Variants in ANKRD12 observed in about 807,000 individuals in gnomAD.
The protein encoded by ANKRD12 is ankyrin repeat domain-containing protein 12.
ANKRD12 carries 85 observed loss-of-function variants against 183.4 expected under a neutral mutation model. That is an observed-to-expected ratio of 0.46 (90% CI 0.39 to 0.56). ANKRD12 has a LOEUF of 0.56. Among genes scored for constraint, ANKRD12 ranks in the 20% least tolerant of loss-of-function variants. ANKRD12 has a pLI of 0.00. For synonymous variants in ANKRD12, 914 were observed against 800.2 expected (o/e 1.14, Z -2.40); for missense variants, 2,405 against 2,357.1 (o/e 1.02, Z -0.42).
chr18:9,231,487 A>G (rs891617823), intron 8 of ANKRD12, among the ~76,000 whole-genome samples: 3 of 152,064 alleles, frequency 2.0e-5, no homozygotes, highest in Non-Finnish European at 4.4e-5. Context: ...CTTTATCATT[A>G]TATGATTACC....
At chr18:9,242,015 A>C (rs1048558384) in intron 8 of ANKRD12, among the ~76,000 whole-genome samples, 8 of 152,070 alleles carry the variant, frequency 5.3e-5, no homozygotes, top group African/African-American at 1.4e-4. Flanking sequence ...TCTATAAGTC[A>C]AAATATCTTT....
At chr18:9,166,874 C>T in intron 1 of ANKRD12, among the ~76,000 whole-genome samples, 1 of 151,992 alleles carries the variant, frequency 6.6e-6, no homozygotes, top group Non-Finnish European at 1.5e-5. Flanking sequence ...GTCTTTAATC[C>T]ATCTTGAATT....
intron 1 of ANKRD12, among the ~76,000 whole-genome samples, chr18:9,140,088 C>T (rs888915435): frequency 6.6e-6 from 1 of 152,162 alleles, no homozygotes; most frequent in Non-Finnish European, 1.5e-5. Flanking sequence ...AGAACCTTGC[C>T]TTCTATCAGC....
rs148110257 is a variant in ANKRD12 at position 9,186,690 on chromosome 18, G to T, written c.87+4171G>T. Among the ~76,000 whole-genome samples, 964 of 151,344 alleles carry T rather than the reference G, an allele frequency of 6.4e-3. 7 individuals are homozygous for T. The highest frequency in any genetic ancestry group is 0.017 in the Middle Eastern group (5 of 294). ...AGACAAAGTGAAGAAGTTGGGGTAG[G>T]GGGTAGAAGGCATGACCATCATTCA... On this transcript the variant is annotated intron_variant, in intron 2 of 12. Coordinates refer to ENST00000262126, the MANE Select transcript of ANKRD12 (RefSeq NM_015208.5).
chr18:9,282,597 A>G lies in ANKRD12; in HGVS notation c.*1471A>G, dbSNP rs1017104788. ...AAATTAGGTTAGCGTACAATTTATCATAAATATATGAGGTAAAATTTGCAA... is the reference window on the plus strand; with the variant it reads ...AAATTAGGTTAGCGTACAATTTATCGTAAATATATGAGGTAAAATTTGCAA... On this transcript the variant is annotated 3_prime_UTR_variant, in exon 13 of 13. Transcript: ENST00000262126. The G allele has an allele frequency of 1.3e-5, 2 of 152,580 alleles. No individual in the cohort carries two copies. Among genetic ancestry groups the G allele is most frequent in the African/African-American group, 4.8e-5 (2 of 41,466 alleles). 9.5% of individuals were successfully genotyped at this position (152,580 alleles called of 1,614,324 possible). A position where few individuals can be genotyped will look rare whatever the true frequency, so the allele number is the denominator to read the frequency against.
At chr18:9,264,273 G>A (rs1234435067) in intron 10 of ANKRD12, among the ~76,000 whole-genome samples, 1 of 152,188 alleles carries the variant, frequency 6.6e-6, no homozygotes, top group Non-Finnish European at 1.5e-5. Context: ...GTCCACGTAG[G>A]TCGGCCTTAG....
intron 8 of ANKRD12, among the ~76,000 whole-genome samples, chr18:9,223,085 T>G (rs1023829743): frequency 3.3e-5 from 5 of 152,054 alleles, no homozygotes; most frequent in African/African-American, 1.2e-4. Flanking sequence ...AATACAAAAT[T>G]AAAACCAACA....
rs905014807 is a variant in ANKRD12 at position 9,281,721 on chromosome 18, G to A, written c.*595G>A. ...ATAAAGGGATTGGTAGTCAAAACAT[G>A]TACAAAGAAATACCTGTAAAACTGT... is the stretch of plus-strand genomic sequence containing the variant. On this transcript the variant is annotated 3_prime_UTR_variant, in exon 13 of 13. Transcript: ENST00000262126. 6.6e-6 allele frequency: 1 copy of A among 152,612 alleles called. No homozygotes were observed. The highest frequency in any genetic ancestry group is 2.4e-5 in the African/African-American group (1 of 41,426). The allele number at this position is 152,612 out of a possible 1,614,324, so 9.5% of individuals were successfully genotyped here. A position where few individuals can be genotyped will look rare whatever the true frequency, so the allele number is the denominator to read the frequency against.
intron 1 of ANKRD12, among the ~76,000 whole-genome samples, chr18:9,170,085 G>A (rs993213838): frequency 6.6e-6 from 1 of 152,254 alleles, no homozygotes; most frequent in Non-Finnish European, 1.5e-5. Context: ...GAGATCAGCT[G>A]TTAGTCTGAT....
chr18:9,279,889 A>G (rs1477673368), intron 12 of ANKRD12, among the ~76,000 whole-genome samples: 2 of 152,200 alleles, frequency 1.3e-5, no homozygotes, highest in African/African-American at 4.8e-5. Context: ...CTTACTATCC[A>G]ATGTACCTGT....
chr18:9,178,423 A>T (rs1394265588), intron 1 of ANKRD12, among the ~76,000 whole-genome samples: 8 of 152,102 alleles, frequency 5.3e-5, no homozygotes, highest in Admixed American at 3.9e-4. Flanking sequence ...AATTACATTG[A>T]CAGATTTGTT....
intron 1 of ANKRD12, among the ~76,000 whole-genome samples, chr18:9,163,667 A>G (rs564591525): frequency 2.0e-5 from 3 of 152,308 alleles, no homozygotes; most frequent in East Asian, 3.9e-4. Context: ...GTCCATGAGC[A>G]TGGAATGTTT....
intron 8 of ANKRD12, among the ~76,000 whole-genome samples, chr18:9,224,829 G>A (rs1598612555): frequency 6.6e-6 from 1 of 152,158 alleles, no homozygotes; most frequent in Admixed American, 6.5e-5. Context: ...TGTATCTTGT[G>A]TAGCCATTGT....
chr18:9,145,183 T>C (rs1339507197), intron 1 of ANKRD12, among the ~76,000 whole-genome samples: 2 of 152,198 alleles, frequency 1.3e-5, no homozygotes, highest in East Asian at 3.8e-4. Context: ...AGTGCAGTGG[T>C]GTCATCCTAG....
chr18:9,182,674 G>A (rs985704069), intron 2 of ANKRD12, 155 bp downstream of exon 2: 1 of 439,828 alleles, frequency 2.3e-6, no homozygotes. Flanking sequence ...GGATTCCTGG[G>A]GAAGTGATTG....
At chr18:9,157,582 T>TGGGTGG (rs1568231387) in intron 1 of ANKRD12, among the ~76,000 whole-genome samples, 1 of 121,438 alleles carries the variant, frequency 8.2e-6, no homozygotes, top group African/African-American at 3.6e-5. Flanking sequence ...TGTGTGTGTG[T>TGGGTGG]GTGTATATAT....
chr18:9,178,811 C>G (rs1044286618), intron 1 of ANKRD12, among the ~76,000 whole-genome samples: 5 of 152,086 alleles, frequency 3.3e-5, no homozygotes, highest in Non-Finnish European at 5.9e-5. Flanking sequence ...ATATTTAGAT[C>G]TTTTTTCACT....
chr18:9,272,491 G>A (rs2039651168), intron 10 of ANKRD12, among the ~76,000 whole-genome samples: 2 of 152,066 alleles, frequency 1.3e-5, no homozygotes, highest in African/African-American at 4.8e-5. Flanking sequence ...GAACCCGGGA[G>A]GCGGAGGTTG....
chr18:9,160,480 A>C (rs2031254725), intron 1 of ANKRD12, among the ~76,000 whole-genome samples: 1 of 152,204 alleles, frequency 6.6e-6, no homozygotes, highest in South Asian at 2.1e-4. Flanking sequence ...AGCTATTGCC[A>C]CTGCCTGATT....
Sources: gnomAD v4.1 joint callset for allele counts (sites outside exome capture counted in the v4.1 genomes callset) on GRCh38, gnomAD v4.1.1 for gene constraint, MANE v1.5 for transcripts, NCBI Gene and HGNC (gene_info 2026-07-23, HGNC 2026-07-21) for gene names.